ADAM22: variants seen among roughly 807,000 people sequenced by gnomAD.
ADAM22 encodes disintegrin and metalloproteinase domain-containing protein 22.
A neutral mutation model predicts 144.6 loss-of-function variants in ADAM22; 65 were observed. The observed-to-expected ratio is 0.45, with a 90% CI of 0.37 to 0.55. ADAM22 has a LOEUF of 0.55. ADAM22 is among the 20% of genes least tolerant of loss of function. The pLI is 0.00. For missense variants in ADAM22, 974 were observed against 1,184.9 expected (o/e 0.82, Z 2.61); for synonymous variants, 391 against 412.6 (o/e 0.95, Z 0.63).
At chr7:87,970,443 T>A (rs1222954805) in intron 2 of ADAM22, among the ~76,000 whole-genome samples, 1 of 152,208 alleles carries the variant, frequency 6.6e-6, no homozygotes, top group African/African-American at 2.4e-5. Context: ...TACTACCATT[T>A]GATTGGTAAT....
rs1391738113 is a variant in ADAM22, at chr7:88,186,709, A to G, written c.2750+8A>G. On this transcript the variant is annotated splice_region_variant and intron_variant, in intron 30 of 31. Coordinates refer to ENST00000413139, the MANE Select transcript of ADAM22 (RefSeq NM_001324418.2). ...TGAAGGACCATACTTTAGGTATTTT[A>G]TAAATTAATTTTTATATCCTTCTCA... The G allele has an allele frequency of 4.5e-6, 7 of 1,548,494 alleles. No individual in the cohort carries two copies. In the Admixed American group the frequency reaches 1.0e-4, roughly 22 times the overall value.
chr7:88,079,824 C>T (rs1200032646), intron 4 of ADAM22, among the ~76,000 whole-genome samples: 8 of 152,202 alleles, frequency 5.3e-5, no homozygotes, highest in African/African-American at 1.7e-4. Flanking sequence ...GCACTCAATA[C>T]AGGAGCACCC....
intron 3 of ADAM22, among the ~76,000 whole-genome samples, chr7:88,072,880 G>A (rs1813187733): frequency 6.6e-6 from 1 of 152,224 alleles, no homozygotes; most frequent in South Asian, 2.1e-4. Flanking sequence ...TGGGTAAACA[G>A]GGTGTGATGT....
chr7:87,957,993 A>T (rs1294604985), intron 2 of ADAM22, among the ~76,000 whole-genome samples: 1 of 152,068 alleles, frequency 6.6e-6, no homozygotes, highest in Non-Finnish European at 1.5e-5. Context: ...CCCTCCTCAA[A>T]ATTAAATTTT....
Position 88,199,565 on chromosome 7 carries a change from G to A in ADAM22, c.*3074G>A, listed in dbSNP as rs1004662387. ...CATGGTCCTCTGAACGCTGCAGGCT[G>A]GAAATGATCCCCAGGGCACATGCAA... is the stretch of plus-strand genomic sequence containing the variant. On this transcript the variant is annotated 3_prime_UTR_variant, in exon 32 of 32. Transcript: ENST00000413139. 6.6e-6 allele frequency: 1 copy of A among 152,194 alleles called. No individual in the cohort carries two copies. Among genetic ancestry groups the A allele is most frequent in the African/African-American group, 2.4e-5 (1 of 41,430 alleles). The allele number at this position is 152,194 out of a possible 1,614,324, so 9.4% of individuals were successfully genotyped here. A position where few individuals can be genotyped will look rare whatever the true frequency, so the allele number is the denominator to read the frequency against.
At chr7:88,171,975 T>A (rs1386688510) in intron 26 of ADAM22, among the ~76,000 whole-genome samples, 1 of 151,904 alleles carries the variant, frequency 6.6e-6, no homozygotes, top group East Asian at 1.9e-4. Context: ...TATTACTGTT[T>A]TTATATTAAT....
At chr7:88,020,182 C>T (rs191395935) in intron 3 of ADAM22, among the ~76,000 whole-genome samples, 2 of 152,182 alleles carry the variant, frequency 1.3e-5, no homozygotes, top group East Asian at 3.9e-4. Flanking sequence ...GAGTATTAGT[C>T]ATGGCAAGGG....
rs1838981856 is a variant in ADAM22 at position 88,153,242 on chromosome 7, A to G, written c.1703A>G (p.Tyr568Cys). 3 of 1,613,368 alleles carry G rather than the reference A, an allele frequency of 1.9e-6. No homozygotes were observed. The South Asian group carries it at 3.3e-5, about 18-fold the overall frequency. Residue 568 changes from tyrosine to cysteine, a missense_variant, in exon 21 of 32, where the codon TAT becomes TGT. By Grantham distance (194) the Tyr-to-Cys change is radical (BLOSUM62 -2). This residue lies in a region of ADAM22 where 734 missense variants were observed against 950.6 expected (regional missense o/e 0.77). Transcript: ENST00000413139. ...WGQKVTASDK[Y>C]CYEKLNIEGT... is the part of the protein sequence containing the mutation. ...TTAGAGGTGACAGCATCAGACAAATATTGCTATGAGAAACTGAATATTGAA... is the reference window on the plus strand; with the variant it reads ...TTAGAGGTGACAGCATCAGACAAATGTTGCTATGAGAAACTGAATATTGAA...
At chr7:88,178,330 A>C (rs998045248) in intron 26 of ADAM22, among the ~76,000 whole-genome samples, 5 of 152,144 alleles carry the variant, frequency 3.3e-5, no homozygotes, top group Non-Finnish European at 7.4e-5. Context: ...TCCACTGAAC[A>C]GTTATAAAAT....
rs545372514 is a variant in ADAM22, at chr7:88,054,952, G to GA, written c.324-20666dup. On this transcript the variant is annotated intron_variant, in intron 3 of 31. Transcript: ENST00000413139. ...AATTCGTTGTTTTAAACTTCTTTAA[G>GA]AAAAAAAACAAACTAATTAAAGTCA... 1.5e-3 allele frequency among the ~76,000 whole-genome samples: 230 copies of GA among 151,212 alleles called. 1 individual carries two copies. The highest frequency in any genetic ancestry group is 2.6e-3 in the Non-Finnish European group (174 of 67,790).
intron 2 of ADAM22, among the ~76,000 whole-genome samples, chr7:87,970,537 G>A (rs574915667): frequency 1.1e-4 from 17 of 152,084 alleles, no homozygotes; most frequent in Non-Finnish European, 2.4e-4. Context: ...TTCTCCTTGT[G>A]TCAGAGTTCT....
At chr7:88,077,655 C>T (rs1241956429) in intron 4 of ADAM22, among the ~76,000 whole-genome samples, 1 of 152,216 alleles carries the variant, frequency 6.6e-6, no homozygotes, top group Non-Finnish European at 1.5e-5. Flanking sequence ...TAATACTGCG[C>T]TTTTCCAACG....
intron 3 of ADAM22, among the ~76,000 whole-genome samples, chr7:87,993,667 C>G (rs1298597651): frequency 6.6e-6 from 1 of 152,188 alleles, no homozygotes; most frequent in Non-Finnish European, 1.5e-5. Flanking sequence ...TATCTTGGTT[C>G]TGTTGATTAC....
intron 20 of ADAM22, among the ~76,000 whole-genome samples, chr7:88,152,390 A>G (rs1004998468): frequency 6.6e-6 from 1 of 152,184 alleles, no homozygotes; most frequent in African/African-American, 2.4e-5. Context: ...ATACCTTAAA[A>G]TGTTATTTGA....
At chr7:87,963,990 T>C (rs1848535264) in intron 2 of ADAM22, among the ~76,000 whole-genome samples, 1 of 152,194 alleles carries the variant, frequency 6.6e-6, no homozygotes, top group Non-Finnish European at 1.5e-5. Flanking sequence ...TTAATATATA[T>C]TTTTTCTTGT....
At chr7:88,138,096 G>A (rs755691246) in intron 14 of ADAM22, among the ~76,000 whole-genome samples, 35 of 152,208 alleles carry the variant, frequency 2.3e-4, no homozygotes, top group African/African-American at 7.9e-4. Context: ...TTGAGGCTGC[G>A]GTGAGCCATG....
intron 3 of ADAM22, among the ~76,000 whole-genome samples, chr7:87,998,532 A>G (rs1263345083): frequency 6.6e-6 from 1 of 152,098 alleles, no homozygotes; most frequent in Non-Finnish European, 1.5e-5. Flanking sequence ...CTGCGACTAC[A>G]GGTGCACGCC....
At chr7:88,034,277 G>A (rs866680897) in intron 3 of ADAM22, among the ~76,000 whole-genome samples, 5 of 152,122 alleles carry the variant, frequency 3.3e-5, no homozygotes, top group Non-Finnish European at 5.9e-5. Flanking sequence ...CCAGAAGTTG[G>A]TCCTTCCCTT....
Position 88,162,293 on chromosome 7 carries a change from T to C in ADAM22, c.1908-719T>C, listed in dbSNP as rs889717616. ...GTGGGAGCTAAATGATGAGAACACA[T>C]GGACACAAAGAAGGGAGCAACAGAC... On this transcript the variant is annotated intron_variant, in intron 22 of 31. Coordinates refer to ENST00000413139, the MANE Select transcript of ADAM22 (RefSeq NM_001324418.2). Among the ~76,000 whole-genome samples, 15 of 152,016 alleles carry C rather than the reference T, an allele frequency of 9.9e-5. No homozygotes were observed. The South Asian group carries it at 1.0e-3, about 11-fold the overall frequency.
Sources: gnomAD v4.1 joint callset for allele counts (sites outside exome capture counted in the v4.1 genomes callset) on GRCh38, gnomAD v4.1.1 for gene constraint, gnomAD v4.1.1 regional missense constraint, MANE v1.5 for transcripts, NCBI Gene and HGNC (gene_info 2026-07-23, HGNC 2026-07-21) for gene names.